TIMP2: variants seen among roughly 807,000 people sequenced by gnomAD.
TIMP2 encodes TIMP metallopeptidase inhibitor 2.
In TIMP2, 5 loss-of-function variants were observed where a neutral mutation model predicts 24.3. That is an observed-to-expected ratio of 0.21 (90% CI 0.11 to 0.43). The LOEUF is 0.43. TIMP2 is among the 20% of genes least tolerant of loss of function. TIMP2 has a pLI of 1.00. For missense variants in TIMP2, 221 were observed against 297.5 expected (o/e 0.74, Z 1.89); for synonymous variants, 130 against 123.2 (o/e 1.06, Z -0.37).
At chr17:78,908,140 C>CA (rs1181974681) in intron 1 of TIMP2, among the ~76,000 whole-genome samples, 1 of 151,738 alleles carries the variant, frequency 6.6e-6, no homozygotes, top group Non-Finnish European at 1.5e-5. Context: ...GTCTCAAAAA[C>CA]AAAAAAGAAA....
intron 1 of TIMP2, chr17:78,890,810 C>G: frequency 6.4e-7 from 1 of 1,550,650 alleles, no homozygotes; most frequent in Non-Finnish European, 8.7e-7. Flanking sequence ...CTCAGATCCT[C>G]TCTCCCTTTC....
At chr17:78,918,963 C>T (rs2145797037) in intron 1 of TIMP2, among the ~76,000 whole-genome samples, 1 of 143,706 alleles carries the variant, frequency 7.0e-6, no homozygotes, top group Admixed American at 7.2e-5. Flanking sequence ...CTGGGTGACA[C>T]AGCAAGACTC....
chr17:78,869,270 T>G (rs923513961), intron 3 of TIMP2, among the ~76,000 whole-genome samples: 2 of 150,326 alleles, frequency 1.3e-5, no homozygotes, highest in South Asian at 2.1e-4. Context: ...AATAAAAAAA[T>G]TAGCTGGGTG....
intron 1 of TIMP2, among the ~76,000 whole-genome samples, chr17:78,890,258 G>C (rs557328351): frequency 1.3e-5 from 2 of 149,098 alleles, no homozygotes; most frequent in African/African-American, 5.0e-5. Flanking sequence ...CTGGAGTACA[G>C]TGGTGCAATC....
At chr17:78,913,920 T>C (rs566844887) in intron 1 of TIMP2, among the ~76,000 whole-genome samples, 47 of 149,586 alleles carry the variant, frequency 3.1e-4, no homozygotes, top group Admixed American at 3.1e-3. Flanking sequence ...AAAAAAATTC[T>C]AGGCAATGGA....
chr17:78,919,132 C>G (rs907088526), intron 1 of TIMP2, among the ~76,000 whole-genome samples: 1 of 152,266 alleles, frequency 6.6e-6, no homozygotes, highest in Non-Finnish European at 1.5e-5. Flanking sequence ...CCTGGAGAGT[C>G]CTGAAACTCC....
intron 1 of TIMP2, among the ~76,000 whole-genome samples, chr17:78,886,392 C>T (rs980134963): frequency 2.0e-5 from 3 of 152,160 alleles, no homozygotes; most frequent in Admixed American, 2.0e-4. Flanking sequence ...ATGTTTGGGC[C>T]CCATTGTGGC....
At position 78,868,584 on chromosome 17, in the gene TIMP2, G is replaced by C. The variant is rs547369155; in HGVS notation, c.340+2314C>G. Among the ~76,000 whole-genome samples, 23 of 152,288 alleles carry C rather than the reference G, an allele frequency of 1.5e-4. No homozygotes were observed. In the South Asian group the frequency reaches 4.8e-3, roughly 32 times the overall value. ...TCTTTTTTTCTTAAGTTTGTGATCAGATTCCTACTTCCCCAGGGAGGAGGG... is the reference window on the plus strand; with the variant it reads ...TCTTTTTTTCTTAAGTTTGTGATCACATTCCTACTTCCCCAGGGAGGAGGG... On this transcript the variant is annotated intron_variant, in intron 3 of 4. Coordinates refer to ENST00000262768, the MANE Select transcript of TIMP2 (RefSeq NM_003255.5).
intron 1 of TIMP2, among the ~76,000 whole-genome samples, chr17:78,905,912 A>G (rs1303112248): frequency 6.6e-6 from 1 of 152,218 alleles, no homozygotes; most frequent in African/African-American, 2.4e-5. Context: ...TTGAGTTCCC[A>G]CAGAATCATA....
At chr17:78,882,716 C>CA (rs1214012939) in intron 1 of TIMP2, among the ~76,000 whole-genome samples, 2 of 152,252 alleles carry the variant, frequency 1.3e-5, no homozygotes, top group Admixed American at 1.3e-4. Context: ...ACAAGGACCC[C>CA]AGACCTGCTC....
chr17:78,866,431 C>A (rs576185715), intron 3 of TIMP2, among the ~76,000 whole-genome samples: 1 of 151,786 alleles, frequency 6.6e-6, no homozygotes, highest in South Asian at 2.1e-4. Context: ...TAATACTGGG[C>A]GTGTAAAATG....
At chr17:78,917,943 C>T (rs1483490137) in intron 1 of TIMP2, among the ~76,000 whole-genome samples, 1 of 152,102 alleles carries the variant, frequency 6.6e-6, no homozygotes, top group Non-Finnish European at 1.5e-5. Flanking sequence ...ACAGAAGACT[C>T]GAAACCTATA....
intron 1 of TIMP2, among the ~76,000 whole-genome samples, chr17:78,876,077 C>T (rs11868442): frequency 0.18 from 28,100 of 152,138 alleles, 2,776 homozygotes; most frequent in East Asian, 0.28. Context: ...TTTGCCCTGA[C>T]GGCCCCCTAT....
Position 78,922,592 on chromosome 17 carries a change from C to T in TIMP2, c.130+2367G>A, listed in dbSNP as rs1027106824. On this transcript the variant is annotated intron_variant, in intron 1 of 4. Coordinates refer to ENST00000262768, the MANE Select transcript of TIMP2 (RefSeq NM_003255.5). ...CAGCACTTTGGGAGGCTGAGGCAGG[C>T]GGATCACCTGAGGCCAGGAGTTCGA... is the stretch of plus-strand genomic sequence containing the variant. 3.3e-5 allele frequency among the ~76,000 whole-genome samples: 5 copies of T among 152,130 alleles called. No individual in the cohort carries two copies. The South Asian group carries it at 8.3e-4, about 25-fold the overall frequency.
chr17:78,876,880 A>C (rs2069732806), intron 1 of TIMP2, among the ~76,000 whole-genome samples: 1 of 146,658 alleles, frequency 6.8e-6, no homozygotes, highest in Non-Finnish European at 1.5e-5. Flanking sequence ...CTGCCTGGAG[A>C]ACTTTTCTTC....
At chr17:78,888,431 A>G (rs2069846465) in intron 1 of TIMP2, among the ~76,000 whole-genome samples, 1 of 151,556 alleles carries the variant, frequency 6.6e-6, no homozygotes, top group African/African-American at 2.4e-5. Flanking sequence ...ACGTGCTGGG[A>G]TTACAGGTGT....
intron 1 of TIMP2, among the ~76,000 whole-genome samples, chr17:78,889,004 A>C (rs1416833881): frequency 6.6e-6 from 1 of 152,234 alleles, no homozygotes; most frequent in African/African-American, 2.4e-5. Context: ...TACAGGGATC[A>C]GCAAACTATG....
At chr17:78,884,435 G>A (rs140639067) in intron 1 of TIMP2, among the ~76,000 whole-genome samples, 44 of 152,342 alleles carry the variant, frequency 2.9e-4, no homozygotes, top group Non-Finnish European at 5.3e-4. Flanking sequence ...CATGTGGCCT[G>A]TGGGCTGAGC....
intron 3 of TIMP2, among the ~76,000 whole-genome samples, chr17:78,865,623 T>TC (rs2069605271): frequency 3.3e-5 from 1 of 30,100 alleles, no homozygotes; most frequent in African/African-American, 8.3e-5. Flanking sequence ...AAACTCTGTC[T>TC]CAAAAAAAAA....
Sources: gnomAD v4.1 joint callset for allele counts (sites outside exome capture counted in the v4.1 genomes callset) on GRCh38, gnomAD v4.1.1 for gene constraint, MANE v1.5 for transcripts, NCBI Gene and HGNC (gene_info 2026-07-23, HGNC 2026-07-21) for gene names.